PID1: variants seen among roughly 807,000 people sequenced by gnomAD.
The protein encoded by PID1 is phosphotyrosine interaction domain containing 1, also known as PTB-containing, cubilin and LRP1-interacting protein.
In PID1, 10 loss-of-function variants were observed where a neutral mutation model predicts 19.1. That is an observed-to-expected ratio of 0.52 (90% confidence interval 0.32 to 0.89). The LOEUF is 0.89. PID1 is among the 40% of genes least tolerant of loss of function. PID1 has a pLI of 0.03. For synonymous variants in PID1, 130 were observed against 116.0 expected (o/e 1.12, Z -0.78); for missense variants, 248 against 285.3 (o/e 0.87, Z 0.94).
intron 2 of PID1, among the ~76,000 whole-genome samples, chr2:229,112,824 T>C (rs1326709961): frequency 6.6e-6 from 1 of 152,102 alleles, no homozygotes; most frequent in Non-Finnish European, 1.5e-5. Context: ...ACTGTCTTTC[T>C]CTGAAAACCC....
chr2:229,025,698 G>C lies in PID1; in HGVS notation c.588C>G (p.Asp196Glu), dbSNP rs370972921. 1 of 1,614,182 alleles carries C rather than the reference G, an allele frequency of 6.2e-7. No individual in the cohort carries two copies. Among genetic ancestry groups the C allele is most frequent in the South Asian group, 1.1e-5 (1 of 91,090 alleles). ...AGGAGCTGTTGCTGTGGATCCGCCC[G>C]TCGCTCTTCATACTGTGGAAAGTCT... ...FRKTFHSMKS[D>E]GRIHSNSSSE... is the part of the protein sequence containing the mutation. Residue 196 changes from aspartate (D) to glutamate (E), a missense_variant, in exon 3 of 3, where the codon GAC becomes GAG. Coordinates refer to ENST00000392055, the MANE Select transcript of PID1 (RefSeq NM_001100818.2).
intron 1 of PID1, among the ~76,000 whole-genome samples, chr2:229,185,657 C>T (rs995307837): frequency 6.6e-6 from 1 of 152,046 alleles, no homozygotes; most frequent in Non-Finnish European, 1.5e-5. Flanking sequence ...CTCATAATAA[C>T]CATCATATCT....
chr2:229,203,145 A>G (rs1691534007), intron 1 of PID1, among the ~76,000 whole-genome samples: 1 of 152,132 alleles, frequency 6.6e-6, no homozygotes, highest in African/African-American at 2.4e-5. Flanking sequence ...TGGTGATTCT[A>G]GTGAATACCA....
intron 2 of PID1, among the ~76,000 whole-genome samples, chr2:229,145,155 GTATATATATATATATATATA>G (rs5839309): frequency 3.4e-4 from 41 of 119,942 alleles, no homozygotes; most frequent in African/African-American, 1.1e-3. Flanking sequence ...ATATGTATGT[GTATATATATATATATATATA>G]TATATATATA....
In PID1 at chr2:229,135,543, T is replaced by C. The variant is rs140984096; in HGVS notation, c.177+20275A>G. 2.6e-3 allele frequency among the ~76,000 whole-genome samples: 397 copies of C among 152,296 alleles called. 6 individuals are homozygous for C. In the South Asian group the frequency reaches 0.032, roughly 12 times the overall value. The stretch of plus-strand genomic sequence containing the variant: ...TGCAAATGTACACCCAGATAGACTA[T>C]TGTATGAAAACAGTAGCATTCTCCC... On this transcript the variant is annotated intron_variant, in intron 2 of 2. Transcript: ENST00000392055.
chr2:229,152,882 A>C (rs1225596422), intron 2 of PID1, among the ~76,000 whole-genome samples: 1 of 152,060 alleles, frequency 6.6e-6, no homozygotes. Flanking sequence ...CCCCAAACCC[A>C]AAGTTATAAG....
At chr2:229,266,869 T>C (rs1019459042) in intron 1 of PID1, among the ~76,000 whole-genome samples, 2 of 152,210 alleles carry the variant, frequency 1.3e-5, no homozygotes, top group East Asian at 3.8e-4. Flanking sequence ...CCTTGCTCCT[T>C]TTGTCAATTT....
At chr2:229,066,528 T>G (rs959828194) in intron 2 of PID1, among the ~76,000 whole-genome samples, 1 of 152,102 alleles carries the variant, frequency 6.6e-6, no homozygotes, top group Non-Finnish European at 1.5e-5. Flanking sequence ...AATATAACAA[T>G]AACTTCCATA....
chr2:229,249,750 A>G (rs1346854307), intron 1 of PID1, among the ~76,000 whole-genome samples: 1 of 152,212 alleles, frequency 6.6e-6, no homozygotes, highest in Non-Finnish European at 1.5e-5. Flanking sequence ...TTCAACTGCT[A>G]TGACAGGAGT....
At chr2:229,210,924 T>A (rs897407081) in intron 1 of PID1, among the ~76,000 whole-genome samples, 2 of 152,248 alleles carry the variant, frequency 1.3e-5, no homozygotes, top group African/African-American at 4.8e-5. Context: ...TAGGATTTAA[T>A]TAAGTATACT....
intron 1 of PID1, among the ~76,000 whole-genome samples, chr2:229,253,954 G>T (rs540432071): frequency 6.6e-6 from 1 of 152,338 alleles, no homozygotes; most frequent in East Asian, 1.9e-4. Flanking sequence ...GCTCAGAAAG[G>T]AGAGGGATAG....
At chr2:229,047,451 C>G (rs1204059200) in intron 2 of PID1, among the ~76,000 whole-genome samples, 1 of 152,000 alleles carries the variant, frequency 6.6e-6, no homozygotes, top group Admixed American at 6.6e-5. Flanking sequence ...AAGTAATGAT[C>G]TAATTAGAAA....
chr2:229,125,500 C>G (rs1167749364), intron 2 of PID1, among the ~76,000 whole-genome samples: 1 of 151,816 alleles, frequency 6.6e-6, no homozygotes, highest in African/African-American at 2.4e-5. Context: ...ACTAACAACC[C>G]AAATCCAATT....
rs141918978 is a variant in PID1 at position 229,196,832 on chromosome 2, C to T, written c.31-40868G>A. ...ATGTTTTTGTAAGGATTAGAAAGAA[C>T]GTATGTTACATGCATTTCCTAGGGC... On this transcript the variant is annotated intron_variant, in intron 1 of 2. Transcript: ENST00000392055. Among the ~76,000 whole-genome samples, 1,073 of 152,100 alleles carry T rather than the reference C, an allele frequency of 7.1e-3. 10 individuals carry two copies. The highest frequency in any genetic ancestry group is 0.018 in the South Asian group (85 of 4,814).
Position 229,081,169 on chromosome 2 carries a change from C to T in PID1, c.178-55061G>A, listed in dbSNP as rs551847801. Among the ~76,000 whole-genome samples the T allele has an allele frequency of 1.8e-3, 277 of 152,280 alleles. 3 individuals are homozygous for T. Among genetic ancestry groups the T allele is most frequent in the African/African-American group, 6.3e-3 (262 of 41,558 alleles). The stretch of plus-strand genomic sequence containing the variant: ...TCATTTTCTTTTAGAGAGCCTCTCC[C>T]TGTTTATTATTTAGGTTTACATTGT... On this transcript the variant is annotated intron_variant, in intron 2 of 2. Transcript: ENST00000392055.
chr2:229,051,215 A>T (rs1243409287), intron 2 of PID1, among the ~76,000 whole-genome samples: 1 of 152,208 alleles, frequency 6.6e-6, no homozygotes, highest in African/African-American at 2.4e-5. Flanking sequence ...GAATTTTATT[A>T]GAAGAAAAGG....
At position 229,150,341 on chromosome 2, in the gene PID1, G is replaced by A. The variant is rs984337972; in HGVS notation, c.177+5477C>T. 3.3e-5 allele frequency among the ~76,000 whole-genome samples: 5 copies of A among 152,084 alleles called. No individual in the cohort carries two copies. The East Asian group carries it at 9.6e-4, about 29-fold the overall frequency. ...CCTCGGACATCCAAGGTTGCCTCAG[G>A]GGCCAGGAGAAGCAACCCCCTGAAG... On this transcript the variant is annotated intron_variant, in intron 2 of 2. Transcript: ENST00000392055.
chr2:229,259,481 T>C (rs1690401843), intron 1 of PID1, among the ~76,000 whole-genome samples: 1 of 152,222 alleles, frequency 6.6e-6, no homozygotes, highest in Admixed American at 6.5e-5. Flanking sequence ...TTGATTGCAG[T>C]AATGTTTACA....
intron 1 of PID1, among the ~76,000 whole-genome samples, chr2:229,170,509 C>T (rs1470709324): frequency 1.3e-5 from 2 of 152,046 alleles, no homozygotes; most frequent in African/African-American, 4.8e-5. Context: ...ATATAGACAA[C>T]CATTTAAAAA....
Sources: gnomAD v4.1 joint callset for allele counts (sites outside exome capture counted in the v4.1 genomes callset) on GRCh38, gnomAD v4.1.1 for gene constraint, MANE v1.5 for transcripts, NCBI Gene and HGNC (gene_info 2026-07-23, HGNC 2026-07-21) for gene names.